MAGI2: variants seen among roughly 807,000 people sequenced by gnomAD.
The protein encoded by MAGI2 is membrane associated guanylate kinase, WW and PDZ domain containing 2.
A neutral mutation model predicts 133.3 loss-of-function variants in MAGI2; 35 were observed. The ratio of observed to expected loss-of-function variants is 0.26; its 90% CI spans 0.20 to 0.35. The LOEUF (loss-of-function observed/expected upper bound fraction) is 0.35, where lower values mean the gene tolerates loss of function less well. Among genes scored for constraint, MAGI2 ranks in the 10% least tolerant of loss-of-function variants. MAGI2 has a pLI of 1.00. For synonymous variants in MAGI2, 729 were observed against 710.6 expected (o/e 1.03, Z -0.41); for missense variants, 1,636 against 1,863.4 (o/e 0.88, Z 2.25).
At chr7:79,156,780 C>T (rs1823819432) in intron 1 of MAGI2, among the ~76,000 whole-genome samples, 1 of 152,078 alleles carries the variant, frequency 6.6e-6, no homozygotes, top group Admixed American at 6.6e-5. Context: ...TCATATTTGG[C>T]TCAGAATAAA....
At chr7:79,239,162 A>G (rs1832178968) in intron 1 of MAGI2, among the ~76,000 whole-genome samples, 1 of 152,170 alleles carries the variant, frequency 6.6e-6, no homozygotes, top group African/African-American at 2.4e-5. Flanking sequence ...TGAACATAAA[A>G]TTGTATTAAT....
intron 3 of MAGI2, among the ~76,000 whole-genome samples, chr7:78,621,026 C>G (rs1028651417): frequency 2.6e-5 from 4 of 151,898 alleles, no homozygotes; most frequent in Admixed American, 2.6e-4. Flanking sequence ...AGTGAAATCA[C>G]GAATGTAAAA....
chr7:78,339,740 T>C (rs912025000), intron 9 of MAGI2, among the ~76,000 whole-genome samples: 2 of 152,178 alleles, frequency 1.3e-5, no homozygotes, highest in African/African-American at 4.8e-5. Flanking sequence ...CAGTAAAATA[T>C]CACCAAATGA....
In MAGI2 at chr7:78,991,075, G is replaced by A. The variant is rs866147189; in HGVS notation, c.418+16015C>T. Among the ~76,000 whole-genome samples the A allele has an allele frequency of 9.3e-4, 142 of 151,886 alleles. 2 individuals are homozygous for A. In the Middle Eastern group the frequency reaches 0.01, roughly 11 times the overall value. Reference sequence around the variant, plus strand: ...TCCCCCATGCTGTTCTTGTGATAGTGAAGGAGCTCTCACGAGATCTGATGA... The same window carrying A: ...TCCCCCATGCTGTTCTTGTGATAGTAAAGGAGCTCTCACGAGATCTGATGA... On this transcript the variant is annotated intron_variant, in intron 2 of 21. Transcript: ENST00000354212.
chr7:78,723,118 T>C (rs755137790), intron 2 of MAGI2, among the ~76,000 whole-genome samples: 17 of 152,288 alleles, frequency 1.1e-4, no homozygotes, highest in Non-Finnish European at 1.9e-4. Flanking sequence ...GCATCCATAC[T>C]TAGAAACGCA....
chr7:78,038,016 G>A (rs1017993673), intron 21 of MAGI2, among the ~76,000 whole-genome samples: 1 of 152,160 alleles, frequency 6.6e-6, no homozygotes, highest in Non-Finnish European at 1.5e-5. Flanking sequence ...ACTCAGAGAG[G>A]CCTCTCTTCC....
chr7:79,050,314 T>A (rs1284349759), intron 1 of MAGI2, among the ~76,000 whole-genome samples: 1 of 152,112 alleles, frequency 6.6e-6, no homozygotes, highest in East Asian at 1.9e-4. Context: ...GAAGGGACTG[T>A]GGGAGGGAGA....
chr7:78,805,294 T>C (rs985441940), intron 2 of MAGI2, among the ~76,000 whole-genome samples: 1 of 151,490 alleles, frequency 6.6e-6, no homozygotes, highest in Non-Finnish European at 1.5e-5. Flanking sequence ...TGACAGATTA[T>C]TTAATGGAAC....
intron 2 of MAGI2, among the ~76,000 whole-genome samples, chr7:78,655,729 C>T (rs535219441): frequency 6.6e-5 from 10 of 151,978 alleles, no homozygotes; most frequent in Non-Finnish European, 1.3e-4. Context: ...CGCCTGTAAT[C>T]CCAGCACTTT....
chr7:78,709,821 C>A (rs186917284), intron 2 of MAGI2, among the ~76,000 whole-genome samples: 1 of 152,248 alleles, frequency 6.6e-6, no homozygotes, highest in African/African-American at 2.4e-5. Context: ...TTGGTATTGA[C>A]TTTTTGCCTG....
At chr7:78,854,227 TTTAGA>T (rs1793427082) in intron 2 of MAGI2, among the ~76,000 whole-genome samples, 1 of 152,130 alleles carries the variant, frequency 6.6e-6, no homozygotes, top group Non-Finnish European at 1.5e-5. Flanking sequence ...GTAGTTAAAC[TTTAGA>T]TTATATATTT....
At chr7:79,400,321 G>C (rs1245020462) in intron 1 of MAGI2, among the ~76,000 whole-genome samples, 2 of 152,122 alleles carry the variant, frequency 1.3e-5, no homozygotes, top group Non-Finnish European at 2.9e-5. Context: ...ATGTTTATAT[G>C]TAAAAATAAA....
At chr7:78,373,988 C>T (rs1794193072) in intron 6 of MAGI2, among the ~76,000 whole-genome samples, 1 of 152,146 alleles carries the variant, frequency 6.6e-6, no homozygotes, top group African/African-American at 2.4e-5. Context: ...TTTTCTTTAT[C>T]CAATCCACCA....
chr7:79,376,187 C>G (rs1050276216), intron 1 of MAGI2, among the ~76,000 whole-genome samples: 2 of 151,854 alleles, frequency 1.3e-5, no homozygotes, highest in African/African-American at 4.8e-5. Context: ...CCACCTGAAG[C>G]AGAATCCTAT....
intron 6 of MAGI2, among the ~76,000 whole-genome samples, chr7:78,372,610 T>C (rs1348071168): frequency 6.6e-6 from 1 of 152,192 alleles, no homozygotes; most frequent in Non-Finnish European, 1.5e-5. Flanking sequence ...TTAAGAACTG[T>C]TTTAATTGAG....
chr7:79,017,712 T>C (rs1808877809), intron 1 of MAGI2, among the ~76,000 whole-genome samples: 1 of 152,178 alleles, frequency 6.6e-6, no homozygotes, highest in Admixed American at 6.5e-5. Context: ...TAGGAACTGA[T>C]AGACAAAATG....
intron 3 of MAGI2, among the ~76,000 whole-genome samples, chr7:78,552,072 G>T (rs1799378337): frequency 6.6e-6 from 1 of 151,348 alleles, no homozygotes; most frequent in Non-Finnish European, 1.5e-5. Context: ...TGAAATAAAA[G>T]GTCAATATAC....
At chr7:79,087,590 G>T (rs1274838401) in intron 1 of MAGI2, among the ~76,000 whole-genome samples, 1 of 151,624 alleles carries the variant, frequency 6.6e-6, no homozygotes, top group Non-Finnish European at 1.5e-5. Flanking sequence ...TTACTCAAGT[G>T]ATTAAAAGTG....
At chr7:79,090,994 C>CT (rs34305264) in intron 1 of MAGI2, among the ~76,000 whole-genome samples, 120,701 of 150,378 alleles carry the variant, frequency 0.8, 49,073 homozygotes, top group Non-Finnish European at 0.87. Flanking sequence ...ATTTAAGAGC[C>CT]TTTTTTTTTC....
Sources: allele counts gnomAD v4.1 joint callset (sites outside exome capture counted in the v4.1 genomes callset), GRCh38; gene constraint gnomAD v4.1.1; transcripts MANE v1.5; gene names NCBI Gene and HGNC (gene_info 2026-07-23, HGNC 2026-07-21).